The following DIP2B variants were observed in gnomAD, a reference collection of about 807,000 sequenced individuals.
DIP2B encodes the protein disco-interacting protein 2 homolog B.
Under a neutral mutation model 198.0 loss-of-function variants are expected in DIP2B, and 76 were observed. The observed-to-expected ratio is 0.38, with a 90% CI of 0.32 to 0.46. The LOEUF (loss-of-function observed/expected upper bound fraction) is 0.46. Ranked by LOEUF, DIP2B falls within the 20% of genes least tolerant of loss-of-function variation. The probability of loss-of-function intolerance (pLI) is 0.99; values close to 1 mark genes in which losing one functional copy is unlikely to be tolerated. For missense variants in DIP2B, 1,559 were observed against 1,978.4 expected, an observed-to-expected ratio of 0.79 and a Z score of 4.02; for synonymous variants, 701 against 739.1, an observed-to-expected ratio of 0.95 and a Z score of 0.84.
chr12:50,615,015 A>G (rs891391691), intron 1 of DIP2B, among the ~76,000 whole-genome samples: 1 of 152,194 alleles, frequency 6.6e-6, no homozygotes, highest in African/African-American at 2.4e-5. Context: ...TATCTAGACT[A>G]TTGATAAAGA....
intron 14 of DIP2B, among the ~76,000 whole-genome samples, chr12:50,694,759 C>T (rs188128514): frequency 6.6e-6 from 1 of 151,054 alleles, no homozygotes; most frequent in Admixed American, 6.6e-5. Flanking sequence ...GAATGTGCTC[C>T]TTGAAACATT....
intron 1 of DIP2B, among the ~76,000 whole-genome samples, chr12:50,541,909 C>T (rs1026983990): frequency 2.0e-4 from 30 of 151,078 alleles, no homozygotes; most frequent in Admixed American, 1.5e-3. Flanking sequence ...GGCTGAGGCA[C>T]GAGAATTGCT....
At chr12:50,644,909 G>A (rs1022805749) in intron 3 of DIP2B, among the ~76,000 whole-genome samples, 12 of 152,116 alleles carry the variant, frequency 7.9e-5, no homozygotes, top group African/African-American at 2.7e-4. Context: ...ATTAATAAAT[G>A]TAAGAATTTG....
intron 1 of DIP2B, among the ~76,000 whole-genome samples, chr12:50,526,728 C>T (rs1958168959): frequency 2.3e-4 from 1 of 4,292 alleles, no homozygotes; most frequent in African/African-American, 3.4e-4. Context: ...CCTCTGCCTC[C>T]CGGGTTCAAG....
At chr12:50,576,454 A>G (rs1260451094) in intron 1 of DIP2B, among the ~76,000 whole-genome samples, 1 of 151,264 alleles carries the variant, frequency 6.6e-6, no homozygotes, top group Non-Finnish European at 1.5e-5. Flanking sequence ...AAGCCTAAGT[A>G]CATATTTACG....
chr12:50,653,328 C>CTTTTTTTTT (rs71086465), intron 3 of DIP2B, among the ~76,000 whole-genome samples: 4 of 116,286 alleles, frequency 3.4e-5, no homozygotes, highest in South Asian at 2.7e-4. Context: ...GTCTTTCTTT[C>CTTTTTTTTT]TTTTTTTTTT....
At chr12:50,691,220 A>G in intron 13 of DIP2B, 69 bp downstream of exon 13, 1 of 1,370,280 alleles carries the variant, frequency 7.3e-7, no homozygotes, top group Non-Finnish European at 1.0e-6. Context: ...CACAATGCTC[A>G]GTGATTGGAC....
At chr12:50,506,034 TAAAA>T (rs543793410) in intron 1 of DIP2B, among the ~76,000 whole-genome samples, 1 of 143,332 alleles carries the variant, frequency 7.0e-6, no homozygotes, top group South Asian at 2.2e-4. Context: ...TTTTCAGAAT[TAAAA>T]AAAAAAAATG....
intron 3 of DIP2B, among the ~76,000 whole-genome samples, chr12:50,644,532 A>G (rs1159626324): frequency 1.3e-5 from 2 of 152,220 alleles, no homozygotes; most frequent in Non-Finnish European, 2.9e-5. Flanking sequence ...TGAACTCCAG[A>G]AGTGACTTCT....
In DIP2B at chr12:50,631,677, C is replaced by T. The variant is rs370428213; in HGVS notation, c.172+5630C>T. Among the ~76,000 whole-genome samples the T allele has an allele frequency of 1.5e-4, 23 of 152,314 alleles. No individual in the cohort carries two copies. The East Asian group carries it at 3.7e-3, about 24-fold the overall frequency. ...CGAACTCTTGGCCTCAACTGATCTGCCCGCCTCAGCCTCCCAAAGTCCTTG... is the reference window on the plus strand; with the variant it reads ...CGAACTCTTGGCCTCAACTGATCTGTCCGCCTCAGCCTCCCAAAGTCCTTG... On this transcript the variant is annotated intron_variant, in intron 2 of 37. Coordinates refer to ENST00000301180, the MANE Select transcript of DIP2B (RefSeq NM_173602.3).
At chr12:50,552,046 C>T (rs889375553) in intron 1 of DIP2B, among the ~76,000 whole-genome samples, 1 of 152,098 alleles carries the variant, frequency 6.6e-6, no homozygotes, top group Non-Finnish European at 1.5e-5. Context: ...AAGGGCTCTC[C>T]ACATCCTCAC....
Position 50,512,069 on chromosome 12 carries a change from A to C in DIP2B, c.100+6829A>C, listed in dbSNP as rs189825882. Among the ~76,000 whole-genome samples the C allele has an allele frequency of 3.6e-3, 534 of 148,288 alleles. 3 individuals carry two copies. Among genetic ancestry groups the C allele is most frequent in the Non-Finnish European group, 6.3e-3 (424 of 67,244 alleles). ...CCAAAGTGCTGAGATTATAGGTATG[A>C]GCCAGCCACCAAGTCTCGCCTTAGC... On this transcript the variant is annotated intron_variant, in intron 1 of 37. Coordinates refer to ENST00000301180, the MANE Select transcript of DIP2B (RefSeq NM_173602.3).
At chr12:50,517,438 G>A (rs1388648043) in intron 1 of DIP2B, among the ~76,000 whole-genome samples, 2 of 151,930 alleles carry the variant, frequency 1.3e-5, no homozygotes, top group Non-Finnish European at 2.9e-5. Context: ...TATCATTCCA[G>A]TGTTAGTTCA....
intron 28 of DIP2B, 105 bp from the exon 29 acceptor site, chr12:50,727,598 G>C (rs1363392775): frequency 4.1e-6 from 4 of 979,212 alleles, no homozygotes; most frequent in East Asian, 2.4e-5. Context: ...CTAAGCTTTA[G>C]CAAATCTGCG....
At chr12:50,508,632 C>T (rs1460282597) in intron 1 of DIP2B, among the ~76,000 whole-genome samples, 5 of 151,964 alleles carry the variant, frequency 3.3e-5, no homozygotes, top group Admixed American at 6.6e-5. Context: ...TGTCATGTGA[C>T]GATGACATTG....
At chr12:50,673,247 A>T (rs1385896511) in intron 5 of DIP2B, among the ~76,000 whole-genome samples, 1 of 152,192 alleles carries the variant, frequency 6.6e-6, no homozygotes, top group Non-Finnish European at 1.5e-5. Flanking sequence ...GGGCATAGAG[A>T]CCTTACCCCC....
rs544096021 is a variant in DIP2B, at chr12:50,694,696, G to A, written c.1720-571G>A. Among the ~76,000 whole-genome samples the A allele has an allele frequency of 5.3e-4, 75 of 141,898 alleles. No individual in the cohort carries two copies. The Middle Eastern group carries it at 0.019, about 36-fold the overall frequency. 93.1% of individuals were successfully genotyped at this position (141,898 alleles called of 152,430 possible). A position where few individuals can be genotyped will look rare whatever the true frequency, so the allele number is the denominator to read the frequency against. ...TTAAAGCATATGCCATATGACAGCAGTACTACATGTCCATATAGGGAAATA... is the reference window on the plus strand; with the variant it reads ...TTAAAGCATATGCCATATGACAGCAATACTACATGTCCATATAGGGAAATA... On this transcript the variant is annotated intron_variant, in intron 14 of 37. Transcript: ENST00000301180.
chr12:50,512,047 A>G (rs1349237712), intron 1 of DIP2B, among the ~76,000 whole-genome samples: 2 of 151,000 alleles, frequency 1.3e-5, no homozygotes, highest in African/African-American at 2.4e-5. Flanking sequence ...GGCTCCCCCA[A>G]AGTGCTGAGA....
At chr12:50,662,523 G>C (rs144084692) in intron 4 of DIP2B, among the ~76,000 whole-genome samples, 1 of 152,306 alleles carries the variant, frequency 6.6e-6, no homozygotes, top group African/African-American at 2.4e-5. Context: ...AGAATTTGCT[G>C]TTCCCACATT....
Sources: allele counts gnomAD v4.1 joint callset (sites outside exome capture counted in the v4.1 genomes callset), GRCh38; gene constraint gnomAD v4.1.1; transcripts MANE v1.5; gene names NCBI Gene and HGNC (gene_info 2026-07-23, HGNC 2026-07-21).